CDH12: variants seen among roughly 807,000 people sequenced by gnomAD.
CDH12 encodes cadherin-12.
A neutral mutation model predicts 74.1 loss-of-function variants in CDH12; 41 were observed. The ratio of observed to expected loss-of-function variants is 0.55; its 90% CI spans 0.43 to 0.72. The LOEUF is 0.72. Among genes scored for constraint, CDH12 ranks in the 30% least tolerant of loss-of-function variants. The probability of loss-of-function intolerance (pLI) is 0.00; values close to 1 mark genes in which losing one functional copy is unlikely to be tolerated. For missense variants in CDH12, 945 were observed against 977.2 expected (o/e 0.97, Z 0.44); for synonymous variants, 399 against 355.0 (o/e 1.12, Z -1.39).
chr5:22,750,839 A>G (rs1427281334), intron 1 of CDH12, among the ~76,000 whole-genome samples: 1 of 152,028 alleles, frequency 6.6e-6, no homozygotes, highest in Non-Finnish European at 1.5e-5. Context: ...TCTGTAGCTC[A>G]GAAGTCAGGT....
intron 1 of CDH12, among the ~76,000 whole-genome samples, chr5:22,643,165 G>A (rs923945808): frequency 2.0e-5 from 3 of 152,130 alleles, no homozygotes; most frequent in East Asian, 3.9e-4. Flanking sequence ...TAACATTAAG[G>A]CTTCGTGAAA....
At chr5:21,884,253 G>A in intron 6 of CDH12, 4 of 1,508,574 alleles carry the variant, frequency 2.7e-6, no homozygotes, top group South Asian at 2.2e-5. Flanking sequence ...AGAAGAGAAG[G>A]ACCCTGGAAT....
chr5:22,323,193 T>C (rs1448026802), intron 3 of CDH12, among the ~76,000 whole-genome samples: 1 of 152,178 alleles, frequency 6.6e-6, no homozygotes, highest in African/African-American at 2.4e-5. Context: ...TGAAAATATT[T>C]TACAACCGGG....
chr5:22,580,547 CTCA>C, intron 1 of CDH12: 4 of 468,530 alleles, frequency 8.5e-6, no homozygotes, highest in Non-Finnish European at 1.7e-5. Context: ...CTCAGAGATG[CTCA>C]TCAGGGCTGT....
intron 1 of CDH12, among the ~76,000 whole-genome samples, chr5:22,816,313 C>T (rs1749391650): frequency 6.6e-6 from 1 of 152,114 alleles, no homozygotes; most frequent in African/African-American, 2.4e-5. Context: ...CCAGAGGAAT[C>T]CTGACAGATT....
At chr5:21,927,946 C>T (rs1190748857) in intron 6 of CDH12, among the ~76,000 whole-genome samples, 1 of 150,656 alleles carries the variant, frequency 6.6e-6, no homozygotes, top group Non-Finnish European at 1.5e-5. Flanking sequence ...GTAGCTGGCG[C>T]CTGCAGTCCC....
intron 2 of CDH12, among the ~76,000 whole-genome samples, chr5:22,413,085 C>A (rs1388616435): frequency 6.6e-6 from 1 of 151,936 alleles, no homozygotes; most frequent in African/African-American, 2.4e-5. Context: ...ATTCAATATT[C>A]CATTCAATAT....
chr5:22,346,736 G>A (rs1003488668), intron 3 of CDH12, among the ~76,000 whole-genome samples: 10 of 152,230 alleles, frequency 6.6e-5, no homozygotes, highest in Middle Eastern at 3.4e-3. Flanking sequence ...TGCCCACTAC[G>A]AGCTCTTGCT....
chr5:22,193,904 G>T (rs1264110581), intron 4 of CDH12, among the ~76,000 whole-genome samples: 3 of 152,162 alleles, frequency 2.0e-5, no homozygotes, highest in African/African-American at 7.2e-5. Flanking sequence ...ATTTATGTAG[G>T]ATTATCTTCC....
intron 1 of CDH12, among the ~76,000 whole-genome samples, chr5:22,705,561 T>C (rs2126966262): frequency 6.6e-6 from 1 of 151,256 alleles, no homozygotes; most frequent in African/African-American, 2.4e-5. Context: ...TAGGCACATA[T>C]GTATTTCCCA....
chr5:22,050,959 A>T (rs1290359755), intron 5 of CDH12, among the ~76,000 whole-genome samples: 1 of 152,170 alleles, frequency 6.6e-6, no homozygotes, highest in Admixed American at 6.6e-5. Context: ...GGAAAATCTG[A>T]TTCACAAGGA....
intron 3 of CDH12, among the ~76,000 whole-genome samples, chr5:22,358,815 C>T (rs1740675173): frequency 6.6e-6 from 1 of 152,130 alleles, no homozygotes; most frequent in Admixed American, 6.6e-5. Flanking sequence ...GATGGTAGTT[C>T]ACATTGATTG....
chr5:22,021,485 A>T (rs1310748434), intron 5 of CDH12, among the ~76,000 whole-genome samples: 1 of 152,178 alleles, frequency 6.6e-6, no homozygotes, highest in African/African-American at 2.4e-5. Flanking sequence ...GTACAAATTG[A>T]TATTACACGG....
chr5:22,790,839 T>C (rs902767781), intron 1 of CDH12, among the ~76,000 whole-genome samples: 1 of 151,830 alleles, frequency 6.6e-6, no homozygotes, highest in Non-Finnish European at 1.5e-5. Context: ...AAGAAGGGAG[T>C]CATAGACTCA....
chr5:22,340,729 C>T (rs754641312), intron 3 of CDH12, among the ~76,000 whole-genome samples: 2 of 152,046 alleles, frequency 1.3e-5, no homozygotes, highest in Admixed American at 6.6e-5. Flanking sequence ...AAATCTTAGT[C>T]TTGTAAAGTT....
intron 1 of CDH12, among the ~76,000 whole-genome samples, chr5:22,762,645 T>C (rs2127058254): frequency 6.6e-6 from 1 of 152,176 alleles, no homozygotes; most frequent in South Asian, 2.1e-4. Flanking sequence ...TTGGGTCAAA[T>C]TGACTTAATC....
At chr5:22,658,006 T>C (rs908778135) in intron 1 of CDH12, among the ~76,000 whole-genome samples, 1 of 152,188 alleles carries the variant, frequency 6.6e-6, no homozygotes, top group Non-Finnish European at 1.5e-5. Flanking sequence ...AAGATGCGGC[T>C]TCATTAAATA....
At chr5:22,575,349 T>A (rs556668066) in intron 1 of CDH12, among the ~76,000 whole-genome samples, 2 of 152,260 alleles carry the variant, frequency 1.3e-5, no homozygotes, top group South Asian at 4.1e-4. Context: ...TTGTGTACTC[T>A]GGGCTGAGGA....
intron 2 of CDH12, among the ~76,000 whole-genome samples, chr5:22,455,935 TG>T (rs1745247412): frequency 6.6e-6 from 1 of 152,136 alleles, no homozygotes; most frequent in South Asian, 2.1e-4. Context: ...GTGGGTTGAT[TG>T]ATGTTCAACA....
Sources: gnomAD v4.1 joint callset for allele counts (sites outside exome capture counted in the v4.1 genomes callset) on GRCh38, gnomAD v4.1.1 for gene constraint, MANE v1.5 for transcripts, NCBI Gene and HGNC (gene_info 2026-07-23, HGNC 2026-07-21) for gene names.